The following PI4KA variants were observed in gnomAD, a reference collection of about 807,000 sequenced individuals.
PI4KA encodes the protein phosphatidylinositol 4-kinase alpha, also known as PI4-kinase alpha.
A neutral mutation model predicts 271.4 loss-of-function variants in PI4KA; 122 were observed. The observed-to-expected ratio is 0.45, with a 90% CI of 0.39 to 0.52. The LOEUF is 0.52. PI4KA is among the 20% of genes least tolerant of loss of function. PI4KA has a pLI of 0.00. For synonymous variants in PI4KA, 1,041 were observed against 1,078.8 expected (o/e 0.96, Z 0.69); for missense variants, 1,969 against 2,769.1 (o/e 0.71, Z 6.48).
At position 20,707,744 on chromosome 22, in the gene PI4KA, A is replaced by C. The variant is rs1173183273; in HGVS notation, c.*303T>G. 1.6e-5 allele frequency: 7 copies of C among 445,686 alleles called. No homozygotes were observed. The highest frequency in any genetic ancestry group is 7.2e-5 in the South Asian group (3 of 41,688). The allele number at this position is 445,686 out of a possible 1,614,324, so 27.6% of individuals were successfully genotyped here. A position where few individuals can be genotyped will look rare whatever the true frequency, so the allele number is the denominator to read the frequency against. On this transcript the variant is annotated 3_prime_UTR_variant, in exon 55 of 55. Coordinates refer to ENST00000255882, the MANE Select transcript of PI4KA (RefSeq NM_058004.4). ...ATTTTGTTGATGTTGGTTAAATCTT[A>C]TCTCTTTTTTTATACACAATACTTC...
At chr22:20,824,760 AC>A (rs1162608406) in intron 3 of PI4KA, among the ~76,000 whole-genome samples, 2 of 151,434 alleles carry the variant, frequency 1.3e-5, no homozygotes, top group Admixed American at 6.6e-5. Flanking sequence ...ACACACACAC[AC>A]ACACACACAC....
chr22:20,737,822 G>A (rs1449762941), intron 32 of PI4KA, among the ~76,000 whole-genome samples: 2 of 152,132 alleles, frequency 1.3e-5, no homozygotes, highest in Admixed American at 6.5e-5. Context: ...GTAGAGACAG[G>A]GTTTCTCCAT....
intron 4 of PI4KA, among the ~76,000 whole-genome samples, chr22:20,822,821 G>C (rs1922884770): frequency 6.6e-6 from 1 of 152,196 alleles, no homozygotes; most frequent in African/African-American, 2.4e-5. Flanking sequence ...GGTGTGACAT[G>C]ACTTGTTCAT....
intron 3 of PI4KA, among the ~76,000 whole-genome samples, chr22:20,827,582 TG>T (rs1923585879): frequency 6.6e-6 from 1 of 152,316 alleles, no homozygotes; most frequent in East Asian, 1.9e-4. Flanking sequence ...TCTAATTCTG[TG>T]AAGAATGTCA....
At chr22:20,793,336 TG>T (rs1934770950) in intron 18 of PI4KA, 93 bp from the exon 19 acceptor site, 1 of 725,570 alleles carries the variant, frequency 1.4e-6, no homozygotes, top group Admixed American at 2.1e-5. Context: ...TATGTAAACC[TG>T]GAATGTCTTA....
At chr22:20,834,093 T>A (rs1924561877) in intron 3 of PI4KA, among the ~76,000 whole-genome samples, 1 of 152,096 alleles carries the variant, frequency 6.6e-6, no homozygotes, top group Non-Finnish European at 1.5e-5. Flanking sequence ...TAACTGGAAC[T>A]TAGAAACAAA....
chr22:20,804,982 T>C lies in PI4KA; in HGVS notation c.1352A>G (p.Asp451Gly), dbSNP rs954493438. Residue 451 changes from aspartate (D) to glycine (G), a missense_variant, in exon 11 of 55, where the codon GAC becomes GGC. Around this residue, in one of 13 missense-constraint regions of PI4KA, gnomAD observed 14 missense variants for 34.0 expected, o/e 0.41. Transcript: ENST00000255882. ...CVDLMVWAVK[D>G]EQGAENLCIK... The stretch of plus-strand genomic sequence containing the variant: ...AAGGCAGTCTGTCTCACCCTGCTCG[T>C]CCTTCACAGCCCACACCATGAGGTC... 6.2e-7 allele frequency: 1 copy of C among 1,612,550 alleles called. No homozygotes were observed. The highest frequency in any genetic ancestry group is 8.5e-7 in the Non-Finnish European group (1 of 1,178,994).
intron 36 of PI4KA, among the ~76,000 whole-genome samples, chr22:20,732,087 T>C (rs1928136933): frequency 6.6e-6 from 1 of 151,852 alleles, no homozygotes. Context: ...GGCAGGAGAA[T>C]GGCACATACC....
chr22:20,842,915 A>T (rs1925747633), intron 1 of PI4KA, among the ~76,000 whole-genome samples: 1 of 151,772 alleles, frequency 6.6e-6, no homozygotes, highest in East Asian at 1.9e-4. Flanking sequence ...TCGAGACCAC[A>T]GTGAAACCCC....
intron 52 of PI4KA, 60 bp from the exon 53 acceptor site, chr22:20,710,057 T>C (rs1489828810): frequency 2.0e-6 from 2 of 982,868 alleles, no homozygotes; most frequent in Non-Finnish European, 3.3e-6. Flanking sequence ...GCCCTGCCTG[T>C]AGTCCTGTGG....
chr22:20,758,162 G>A (rs1308633723), intron 23 of PI4KA, among the ~76,000 whole-genome samples: 1 of 151,822 alleles, frequency 6.6e-6, no homozygotes, highest in Non-Finnish European at 1.5e-5. Flanking sequence ...TCAGGAGATC[G>A]AGACCATTCT....
chr22:20,784,211 G>C, intron 19 of PI4KA: 1 of 1,614,158 alleles, frequency 6.2e-7, no homozygotes, highest in Non-Finnish European at 8.5e-7. Flanking sequence ...GACACCCCGG[G>C]TGGTGGAGAG....
At chr22:20,798,198 T>A (rs1935092748) in intron 17 of PI4KA, among the ~76,000 whole-genome samples, 1 of 152,172 alleles carries the variant, frequency 6.6e-6, no homozygotes, top group Non-Finnish European at 1.5e-5. Context: ...GAAAACACCC[T>A]AACATCCAAG....
chr22:20,808,689 T>A (rs1935821881), intron 9 of PI4KA, among the ~76,000 whole-genome samples: 1 of 152,040 alleles, frequency 6.6e-6, no homozygotes, highest in Non-Finnish European at 1.5e-5. Flanking sequence ...TTTTCATTTT[T>A]TTTTTTAGAG....
intron 5 of PI4KA, among the ~76,000 whole-genome samples, 165 bp from the exon 6 acceptor site, chr22:20,820,065 G>A (rs571900308): frequency 7.2e-5 from 11 of 152,348 alleles, no homozygotes; most frequent in Admixed American, 5.9e-4. Context: ...GGGCTGACAA[G>A]TGATATCTTC....
intron 32 of PI4KA, among the ~76,000 whole-genome samples, chr22:20,741,812 T>C (rs1054886646): frequency 2.6e-5 from 4 of 152,198 alleles, no homozygotes; most frequent in African/African-American, 9.6e-5. Context: ...GAGTATAAAC[T>C]TCCTTGTGGG....
At chr22:20,721,716 G>C (rs1926757416) in intron 42 of PI4KA, 1 of 324,064 alleles carries the variant, frequency 3.1e-6, no homozygotes, top group Non-Finnish European at 5.9e-6. Flanking sequence ...CCAATTTCTG[G>C]AGTTGTCAAG....
intron 35 of PI4KA, 65 bp from the exon 36 acceptor site, chr22:20,733,163 C>T (rs1928275536): frequency 1.3e-6 from 2 of 1,580,232 alleles, no homozygotes; most frequent in Non-Finnish European, 1.7e-6. Context: ...GCCAGTCACA[C>T]AAAGCAGTGA....
At chr22:20,761,592 A>G (rs1013674957) in intron 22 of PI4KA, among the ~76,000 whole-genome samples, 2 of 152,206 alleles carry the variant, frequency 1.3e-5, no homozygotes, top group African/African-American at 2.4e-5. Context: ...CCCCACCATT[A>G]GGATATATCT....
Sources: gnomAD v4.1 joint callset for allele counts (sites outside exome capture counted in the v4.1 genomes callset) on GRCh38, gnomAD v4.1.1 for gene constraint, gnomAD v4.1.1 regional missense constraint, MANE v1.5 for transcripts, NCBI Gene and HGNC (gene_info 2026-07-23, HGNC 2026-07-21) for gene names.